BTBD9: variants seen among roughly 807,000 people sequenced by gnomAD.
BTBD9 encodes BTB/POZ domain-containing protein 9.
A neutral mutation model predicts 64.3 loss-of-function variants in BTBD9; 49 were observed. That is an observed-to-expected ratio of 0.76 (90% confidence interval 0.61 to 0.97). The LOEUF is 0.97. Among genes scored for constraint, BTBD9 ranks in the 50% least tolerant of loss-of-function variants. The pLI is 0.00. For missense variants in BTBD9, 598 were observed against 762.1 expected (o/e 0.78, Z 2.53); for synonymous variants, 260 against 274.7 (o/e 0.95, Z 0.53).
intron 6 of BTBD9, among the ~76,000 whole-genome samples, chr6:38,405,754 T>C (rs552241431): frequency 1.3e-5 from 2 of 152,294 alleles, no homozygotes; most frequent in East Asian, 1.9e-4. Context: ...TAGAAGTCAA[T>C]GGACTCAGGA....
At chr6:38,274,671 T>C (rs1478003953) in intron 8 of BTBD9, among the ~76,000 whole-genome samples, 1 of 152,244 alleles carries the variant, frequency 6.6e-6, no homozygotes, top group Admixed American at 6.5e-5. Flanking sequence ...GTTTATATGC[T>C]GGATTACATT....
At chr6:38,523,209 T>C (rs2127421648) in intron 6 of BTBD9, among the ~76,000 whole-genome samples, 1 of 151,318 alleles carries the variant, frequency 6.6e-6, no homozygotes, top group Non-Finnish European at 1.5e-5. Context: ...GCAGGCAAAA[T>C]CCTTTGAATT....
intron 9 of BTBD9, among the ~76,000 whole-genome samples, chr6:38,204,443 G>A (rs1294660932): frequency 6.6e-6 from 1 of 152,150 alleles, no homozygotes; most frequent in Non-Finnish European, 1.5e-5. Flanking sequence ...CTAAGTGAAA[G>A]AAGCCAATAA....
intron 6 of BTBD9, among the ~76,000 whole-genome samples, chr6:38,373,650 G>C (rs1765516382): frequency 6.6e-6 from 1 of 152,126 alleles, no homozygotes; most frequent in African/African-American, 2.4e-5. Context: ...TCCCAGCTCA[G>C]CTTCCAGAGG....
rs1016839086 is a variant in BTBD9 at position 38,178,818 on chromosome 6, A to T, written c.1642-3636T>A. Among the ~76,000 whole-genome samples, 57 of 152,122 alleles carry T rather than the reference A, an allele frequency of 3.7e-4. 2 individuals carry two copies. On this transcript the variant is annotated intron_variant, in intron 10 of 10. Transcript: ENST00000481247. Reference sequence around the variant, plus strand: ...GGGCCTGGCCTTAAGCTGGGCAGGGATCCTGATACTCTTGGACAAAGGAGG... The same window carrying T: ...GGGCCTGGCCTTAAGCTGGGCAGGGTTCCTGATACTCTTGGACAAAGGAGG...
At chr6:38,523,196 G>A (rs2127421637) in intron 6 of BTBD9, among the ~76,000 whole-genome samples, 1 of 151,850 alleles carries the variant, frequency 6.6e-6, no homozygotes, top group South Asian at 2.1e-4. Context: ...AAAAAAAATA[G>A]AGGCAGGCAA....
intron 1 of BTBD9, among the ~76,000 whole-genome samples, chr6:38,603,802 G>A (rs1777337031): frequency 6.6e-6 from 1 of 152,200 alleles, no homozygotes; most frequent in Admixed American, 6.5e-5. Context: ...AAATATAAAT[G>A]ATCCTTCTCT....
intron 1 of BTBD9, among the ~76,000 whole-genome samples, chr6:38,618,294 C>A (rs1354553594): frequency 6.6e-6 from 1 of 152,216 alleles, no homozygotes; most frequent in African/African-American, 2.4e-5. Flanking sequence ...GAAAAATGGC[C>A]ACCTGAGGGA....
At chr6:38,458,294 T>G (rs1398170951) in intron 6 of BTBD9, among the ~76,000 whole-genome samples, 1 of 152,228 alleles carries the variant, frequency 6.6e-6, no homozygotes, top group Non-Finnish European at 1.5e-5. Context: ...CAAGCTAATA[T>G]GTCAGATAAC....
At chr6:38,354,657 T>G (rs549015284) in intron 6 of BTBD9, among the ~76,000 whole-genome samples, 41 of 152,138 alleles carry the variant, frequency 2.7e-4, no homozygotes, top group Non-Finnish European at 5.0e-4. Context: ...GCTTCAATTT[T>G]CACAGAAAAT....
At chr6:38,614,481 C>G (rs963930432) in intron 1 of BTBD9, among the ~76,000 whole-genome samples, 4 of 152,204 alleles carry the variant, frequency 2.6e-5, no homozygotes, top group African/African-American at 9.7e-5. Context: ...TAACAGACCT[C>G]TCTTCCAAAT....
At chr6:38,574,300 G>A (rs571793075) in intron 6 of BTBD9, among the ~76,000 whole-genome samples, 1 of 152,246 alleles carries the variant, frequency 6.6e-6, no homozygotes, top group South Asian at 2.1e-4. Flanking sequence ...AGATAGATGA[G>A]TGGCAAATCT....
intron 9 of BTBD9, among the ~76,000 whole-genome samples, chr6:38,211,808 G>A (rs1171736982): frequency 6.6e-6 from 1 of 152,140 alleles, no homozygotes; most frequent in Non-Finnish European, 1.5e-5. Flanking sequence ...CTATATTTGT[G>A]TAGTTAACAA....
chr6:38,330,123 T>C (rs946492538), intron 7 of BTBD9, among the ~76,000 whole-genome samples: 6 of 151,996 alleles, frequency 3.9e-5, no homozygotes, highest in Non-Finnish European at 8.8e-5. Flanking sequence ...GGCGTGATAT[T>C]GGCTCACTGC....
intron 9 of BTBD9, among the ~76,000 whole-genome samples, chr6:38,248,982 C>T (rs1764300093): frequency 6.6e-6 from 1 of 152,058 alleles, no homozygotes; most frequent in East Asian, 1.9e-4. Context: ...TTTGAGACTA[C>T]CGAGGTGAAG....
At chr6:38,514,285 T>A (rs917536168) in intron 6 of BTBD9, among the ~76,000 whole-genome samples, 1 of 152,254 alleles carries the variant, frequency 6.6e-6, no homozygotes, top group Non-Finnish European at 1.5e-5. Flanking sequence ...CAGAAAGACA[T>A]CGTACTGCTA....
chr6:38,288,498 G>A (rs1305278843), intron 7 of BTBD9, 37 bp from the exon 8 acceptor site: 1 of 1,577,038 alleles, frequency 6.3e-7, no homozygotes, highest in Admixed American at 1.7e-5. Context: ...ATCAGGATAA[G>A]AGAAGCCAAA....
At chr6:38,217,280 C>T (rs576295598) in intron 9 of BTBD9, among the ~76,000 whole-genome samples, 5 of 135,472 alleles carry the variant, frequency 3.7e-5, no homozygotes, top group Non-Finnish European at 7.6e-5. Flanking sequence ...GATAATGCCA[C>T]TGCACTCCAG....
chr6:38,525,538 C>T (rs910986208), intron 6 of BTBD9, among the ~76,000 whole-genome samples: 3 of 152,206 alleles, frequency 2.0e-5, no homozygotes, highest in African/African-American at 7.2e-5. Context: ...ATTTGGAGGG[C>T]TCAGAAGAAG....
Sources: gnomAD v4.1 joint callset for allele counts (sites outside exome capture counted in the v4.1 genomes callset) on GRCh38, gnomAD v4.1.1 for gene constraint, MANE v1.5 for transcripts, NCBI Gene and HGNC (gene_info 2026-07-23, HGNC 2026-07-21) for gene names.